Variants in PARD3B observed in about 807,000 individuals in gnomAD.
PARD3B encodes the protein par-3 family cell polarity regulator beta, also known as partitioning defective 3 homolog B.
PARD3B carries 103 observed loss-of-function variants against 130.2 expected under a neutral mutation model. That is an observed-to-expected ratio of 0.79 (90% CI 0.67 to 0.93). The LOEUF (loss-of-function observed/expected upper bound fraction) is 0.93, where lower values mean the gene tolerates loss of function less well. PARD3B is among the 40% of genes least tolerant of loss of function. The probability of loss-of-function intolerance (pLI) is 0.00; values close to 1 mark genes in which losing one functional copy is unlikely to be tolerated. For synonymous variants in PARD3B, 583 were observed against 553.2 expected (o/e 1.05, Z -0.76); for missense variants, 1,609 against 1,499.2 (o/e 1.07, Z -1.21).
At chr2:205,607,877 CACAG>C (rs1350179782) in intron 22 of PARD3B, among the ~76,000 whole-genome samples, 1 of 149,904 alleles carries the variant, frequency 6.7e-6, no homozygotes, top group Non-Finnish European at 1.5e-5. Flanking sequence ...CACACACACA[CACAG>C]AGGCATGAAG....
chr2:205,509,821 G>A (rs1254637748), intron 21 of PARD3B, among the ~76,000 whole-genome samples: 2 of 152,202 alleles, frequency 1.3e-5, no homozygotes, highest in Non-Finnish European at 2.9e-5. Flanking sequence ...GAGTGGATCC[G>A]ATTTCTCCAG....
intron 20 of PARD3B, among the ~76,000 whole-genome samples, chr2:205,478,736 GT>G (rs1364428139): frequency 4.6e-5 from 7 of 152,204 alleles, no homozygotes; most frequent in African/African-American, 1.7e-4. Flanking sequence ...AAAGCTAAAG[GT>G]CAGCAAATGG....
chr2:204,575,073 G>A (rs1191909798), intron 1 of PARD3B, among the ~76,000 whole-genome samples: 1 of 152,004 alleles, frequency 6.6e-6, no homozygotes, highest in Non-Finnish European at 1.5e-5. Context: ...GCAGTCATTA[G>A]CTACAAGAAG....
At chr2:204,609,659 A>G (rs73059007) in intron 1 of PARD3B, among the ~76,000 whole-genome samples, 3,182 of 152,240 alleles carry the variant, frequency 0.021, 117 homozygotes, top group East Asian at 0.13. Flanking sequence ...TTGAGTTAAG[A>G]TAAGGGGAGT....
chr2:205,548,082 A>C (rs112333817), intron 21 of PARD3B, among the ~76,000 whole-genome samples: 4 of 152,134 alleles, frequency 2.6e-5, no homozygotes, highest in Non-Finnish European at 4.4e-5. Context: ...TTCTGAACCA[A>C]CTACTTTTTC....
chr2:205,070,978 T>C (rs756715837), intron 4 of PARD3B, among the ~76,000 whole-genome samples: 2 of 152,044 alleles, frequency 1.3e-5, no homozygotes, highest in African/African-American at 2.4e-5. Context: ...TACCTGGAAA[T>C]AAAGTGCATA....
chr2:204,864,787 C>G (rs1457349510), intron 2 of PARD3B, among the ~76,000 whole-genome samples: 3 of 152,120 alleles, frequency 2.0e-5, no homozygotes, highest in Non-Finnish European at 4.4e-5. Flanking sequence ...GTGTCTGGCA[C>G]TTTACAGAAA....
chr2:205,381,063 T>TATATAATATATAAAG (rs2045406031), intron 18 of PARD3B, among the ~76,000 whole-genome samples: 1 of 64,260 alleles, frequency 1.6e-5, no homozygotes, highest in South Asian at 3.8e-4. Flanking sequence ...ATATAAAGAA[T>TATATAATATATAAAG]ATATATTATA....
rs554583486 is a variant in PARD3B, at chr2:205,227,640, C to G, written c.2141-18138C>G. 2.6e-5 allele frequency among the ~76,000 whole-genome samples: 4 copies of G among 152,044 alleles called. No individual in the cohort carries two copies. The South Asian group carries it at 8.3e-4, about 32-fold the overall frequency. ...CTTTTTTTTTAAATCTATTCAGCCACTCTGTGTCTATTGATTAGAGAATGT... is the reference window on the plus strand; with the variant it reads ...CTTTTTTTTTAAATCTATTCAGCCAGTCTGTGTCTATTGATTAGAGAATGT... On this transcript the variant is annotated intron_variant, in intron 15 of 22. Transcript: ENST00000406610.
At chr2:204,660,259 TTCAACCATG>T (rs1307267880) in intron 1 of PARD3B, among the ~76,000 whole-genome samples, 1 of 152,176 alleles carries the variant, frequency 6.6e-6, no homozygotes, top group Non-Finnish European at 1.5e-5. Flanking sequence ...TAGTTTCCAT[TTCAACCATG>T]TTTATTATTG....
chr2:204,633,860 A>G (rs963001577), intron 1 of PARD3B, among the ~76,000 whole-genome samples: 12 of 152,140 alleles, frequency 7.9e-5, no homozygotes, highest in African/African-American at 2.9e-4. Context: ...TTGTGGGTAC[A>G]TAGTAGGTAT....
chr2:204,763,694 C>A (rs2041008839), intron 2 of PARD3B, among the ~76,000 whole-genome samples: 1 of 152,152 alleles, frequency 6.6e-6, no homozygotes, highest in African/African-American at 2.4e-5. Flanking sequence ...CACATAATGC[C>A]AGACAGTCCT....
intron 19 of PARD3B, among the ~76,000 whole-genome samples, chr2:205,414,092 T>C (rs1237246457): frequency 6.6e-6 from 1 of 152,110 alleles, no homozygotes; most frequent in African/African-American, 2.4e-5. Flanking sequence ...AAAAAACTAA[T>C]GTAGATGGAA....
At chr2:204,969,330 G>A (rs1345023145) in intron 3 of PARD3B, among the ~76,000 whole-genome samples, 4 of 152,116 alleles carry the variant, frequency 2.6e-5, no homozygotes, top group Non-Finnish European at 4.4e-5. Flanking sequence ...ATTTAAATTT[G>A]TTCATTCTCC....
At chr2:205,203,737 A>T (rs1055255102) in intron 15 of PARD3B, among the ~76,000 whole-genome samples, 2 of 152,172 alleles carry the variant, frequency 1.3e-5, no homozygotes, top group Non-Finnish European at 2.9e-5. Flanking sequence ...TTTGCTGAGA[A>T]TGATGGTTTC....
intron 2 of PARD3B, among the ~76,000 whole-genome samples, chr2:204,854,557 A>T (rs1054173165): frequency 6.6e-6 from 1 of 152,136 alleles, no homozygotes; most frequent in Non-Finnish European, 1.5e-5. Flanking sequence ...GGACTCAGTA[A>T]TGGGGCATCG....
At chr2:205,010,176 C>A (rs1385201482) in intron 3 of PARD3B, among the ~76,000 whole-genome samples, 2 of 152,056 alleles carry the variant, frequency 1.3e-5, no homozygotes, top group Non-Finnish European at 2.9e-5. Flanking sequence ...TCAGTTCCTT[C>A]ATTATACTTT....
At chr2:204,776,529 G>T (rs184302377) in intron 2 of PARD3B, among the ~76,000 whole-genome samples, 1 of 152,188 alleles carries the variant, frequency 6.6e-6, no homozygotes, top group East Asian at 1.9e-4. Flanking sequence ...TAGTTCTTAA[G>T]TAGGCAAGTG....
chr2:205,503,823 A>G, intron 21 of PARD3B, among the ~76,000 whole-genome samples: 1 of 152,058 alleles, frequency 6.6e-6, no homozygotes, highest in East Asian at 1.9e-4. Flanking sequence ...ATGTTCTTCC[A>G]TTTGTTTGTA....
Sources: allele counts gnomAD v4.1 joint callset (sites outside exome capture counted in the v4.1 genomes callset), GRCh38; gene constraint gnomAD v4.1.1; transcripts MANE v1.5; gene names NCBI Gene and HGNC (gene_info 2026-07-23, HGNC 2026-07-21).